The following SUMF1 variants were observed in gnomAD, a reference collection of about 807,000 sequenced individuals.
The protein encoded by SUMF1 is formylglycine-generating enzyme.
In SUMF1, 48 loss-of-function variants were observed where a neutral mutation model predicts 47.6. That is an observed-to-expected ratio of 1.01 (90% CI 0.80 to 1.28). The LOEUF is 1.28. Ranked by LOEUF, SUMF1 falls within the 50% of genes most tolerant of loss-of-function variation. The pLI is 0.00. For synonymous variants in SUMF1, 230 were observed against 192.1 expected, an observed-to-expected ratio of 1.20 and a Z score of -1.63; for missense variants, 571 against 485.4, an observed-to-expected ratio of 1.18 and a Z score of -1.66.
intron 8 of SUMF1, among the ~76,000 whole-genome samples, chr3:4,252,368 A>C (rs1412066219): frequency 7.1e-6 from 1 of 141,430 alleles, no homozygotes; most frequent in Non-Finnish European, 1.6e-5. Flanking sequence ...ACACACACAC[A>C]CACACACACA....
chr3:4,356,105 A>C (rs1252404402), intron 8 of SUMF1, among the ~76,000 whole-genome samples: 1 of 152,244 alleles, frequency 6.6e-6, no homozygotes, highest in Non-Finnish European at 1.5e-5. Context: ...GCCACGTGCC[A>C]AAGCTCCATC....
intron 8 of SUMF1, chr3:4,303,645 C>G: frequency 7.0e-7 from 1 of 1,430,112 alleles, no homozygotes; most frequent in Non-Finnish European, 9.2e-7. Context: ...TTACAGCGCA[C>G]CCGTTGGTGC....
chr3:4,454,858 GT>G (rs1325013557), intron 1 of SUMF1, among the ~76,000 whole-genome samples: 1 of 152,172 alleles, frequency 6.6e-6, no homozygotes, highest in Non-Finnish European at 1.5e-5. Flanking sequence ...CATATGAAAT[GT>G]CCAGAATAGG....
intron 8 of SUMF1, among the ~76,000 whole-genome samples, chr3:4,340,547 G>A (rs1032316300): frequency 2.6e-5 from 4 of 152,166 alleles, no homozygotes; most frequent in African/African-American, 9.7e-5. Context: ...TTGCGATGGG[G>A]GTGCAAAGGG....
intron 8 of SUMF1, among the ~76,000 whole-genome samples, chr3:4,267,272 A>G (rs1018574107): frequency 6.6e-6 from 1 of 151,940 alleles, no homozygotes; most frequent in Non-Finnish European, 1.5e-5. Context: ...CTCTTTTTCT[A>G]TTGATTGGAG....
At chr3:4,393,208 C>A (rs973739681) in intron 7 of SUMF1, among the ~76,000 whole-genome samples, 1 of 152,166 alleles carries the variant, frequency 6.6e-6, no homozygotes, top group Non-Finnish European at 1.5e-5. Context: ...AATATTCTAA[C>A]GTGAGTCTGC....
At chr3:4,209,900 A>C (rs1478555278) in intron 8 of SUMF1, among the ~76,000 whole-genome samples, 1 of 152,080 alleles carries the variant, frequency 6.6e-6, no homozygotes, top group East Asian at 1.9e-4. Flanking sequence ...ATTTAGAAAA[A>C]AAAATTTTTT....
intron 8 of SUMF1, among the ~76,000 whole-genome samples, chr3:4,258,670 G>A (rs572613472): frequency 2.0e-5 from 3 of 151,200 alleles, no homozygotes; most frequent in Admixed American, 2.0e-4. Context: ...TGGTGGGACT[G>A]TAAACTGGTT....
At position 4,187,324 on chromosome 3, in the gene SUMF1, G is replaced by T. The variant is rs928526207; in HGVS notation, c.1015-118579C>A. 1.3e-5 allele frequency among the ~76,000 whole-genome samples: 2 copies of T among 152,126 alleles called. 1 individual carries two copies. Among genetic ancestry groups the T allele is most frequent in the Non-Finnish European group, 2.9e-5 (2 of 68,016 alleles). ...CTTGAGGTTGCAGTGAGCTAGTATC[G>T]TGCCACTGCACCCCAGCCTGGGAGA... On this transcript the variant is annotated intron_variant and NMD_transcript_variant, in intron 8 of 12. Coordinates refer to the SUMF1 transcript ENST00000448413.
At chr3:4,063,191 T>C (rs1458856288) in intron 9 of SUMF1, among the ~76,000 whole-genome samples, 1 of 152,126 alleles carries the variant, frequency 6.6e-6, no homozygotes, top group African/African-American at 2.4e-5. Flanking sequence ...AGGGCCTGGC[T>C]GGCATGGTAA....
At chr3:4,281,579 C>G (rs1176989535) in intron 8 of SUMF1, among the ~76,000 whole-genome samples, 1 of 151,508 alleles carries the variant, frequency 6.6e-6, no homozygotes, top group African/African-American at 2.4e-5. Flanking sequence ...ACCAAAAAAG[C>G]CAAAAAATCT....
At chr3:4,114,220 G>A (rs1474406501) in intron 8 of SUMF1, among the ~76,000 whole-genome samples, 2 of 152,128 alleles carry the variant, frequency 1.3e-5, no homozygotes, top group Non-Finnish European at 2.9e-5. Context: ...TTACAATGGG[G>A]AAGGACATGA....
At chr3:4,420,182 T>G in intron 3 of SUMF1, 36 bp from the exon 4 acceptor site, 2 of 1,525,146 alleles carry the variant, frequency 1.3e-6, no homozygotes, top group Non-Finnish European at 1.8e-6. Context: ...TGTTAGCTAC[T>G]AACATCAACT....
intron 8 of SUMF1, among the ~76,000 whole-genome samples, chr3:4,368,752 C>A (rs1288613836): frequency 3.3e-5 from 5 of 152,182 alleles, no homozygotes; most frequent in African/African-American, 1.2e-4. Context: ...TCCCTGACTA[C>A]CTAGCAGGTA....
chr3:4,077,452 C>T (rs1002653400), intron 8 of SUMF1, among the ~76,000 whole-genome samples: 1 of 152,072 alleles, frequency 6.6e-6, no homozygotes, highest in Non-Finnish European at 1.5e-5. Context: ...GTGGCACATA[C>T]ACACCATGGA....
At chr3:4,458,076 C>T (rs965214640) in intron 1 of SUMF1, among the ~76,000 whole-genome samples, 1 of 151,888 alleles carries the variant, frequency 6.6e-6, no homozygotes, top group Non-Finnish European at 1.5e-5. Flanking sequence ...GGCAAAGGAC[C>T]CGAATAGACA....
intron 8 of SUMF1, among the ~76,000 whole-genome samples, chr3:4,267,246 A>G (rs1398696077): frequency 6.6e-6 from 1 of 152,164 alleles, no homozygotes; most frequent in Non-Finnish European, 1.5e-5. Flanking sequence ...TCATAAAATG[A>G]GTTAGGGAGG....
chr3:4,051,025 C>T (rs1387300904), intron 9 of SUMF1, among the ~76,000 whole-genome samples: 5 of 151,964 alleles, frequency 3.3e-5, no homozygotes, highest in East Asian at 3.9e-4. Context: ...ATTGTCTACC[C>T]GCTAAAATGA....
At chr3:4,286,969 C>T (rs746297148) in intron 8 of SUMF1, among the ~76,000 whole-genome samples, 3 of 152,026 alleles carry the variant, frequency 2.0e-5, no homozygotes, top group East Asian at 1.9e-4. Context: ...CTGGGATACC[C>T]GAGATCATTA....
Sources: gnomAD v4.1 joint callset for allele counts (sites outside exome capture counted in the v4.1 genomes callset) on GRCh38, gnomAD v4.1.1 for gene constraint, MANE v1.5 for transcripts, NCBI Gene and HGNC (gene_info 2026-07-23, HGNC 2026-07-21) for gene names.